The following FAT3 variants were observed in gnomAD, a reference collection of about 807,000 sequenced individuals.
FAT3 encodes protocadherin Fat 3.
A neutral mutation model predicts 310.2 loss-of-function variants in FAT3; 95 were observed. That is an observed-to-expected ratio of 0.31 (90% confidence interval 0.26 to 0.36). The LOEUF (loss-of-function observed/expected upper bound fraction) is 0.36, where lower values mean the gene tolerates loss of function less well. Ranked by LOEUF, FAT3 falls within the 10% of genes least tolerant of loss-of-function variation. The pLI, the probability that FAT3 is intolerant of heterozygous loss-of-function variation, is 1.00. For synonymous variants in FAT3, 2,314 were observed against 2,192.9 expected (o/e 1.06, Z -1.54); for missense variants, 5,408 against 5,715.6 (o/e 0.95, Z 1.74).
intron 2 of FAT3, among the ~76,000 whole-genome samples, chr11:92,414,871 T>C (rs1950372338): frequency 6.6e-6 from 1 of 151,706 alleles, no homozygotes; most frequent in Admixed American, 6.6e-5. Context: ...TTAGCCGGGC[T>C]TGGTGGCAGG....
At chr11:92,297,307 C>T (rs1946875195) in intron 1 of FAT3, among the ~76,000 whole-genome samples, 1 of 152,074 alleles carries the variant, frequency 6.6e-6, no homozygotes, top group South Asian at 2.1e-4. Flanking sequence ...AAATATTTTA[C>T]AAGCTCCTTA....
chr11:92,227,495 G>A (rs1053716454), intron 1 of FAT3, among the ~76,000 whole-genome samples: 12 of 152,178 alleles, frequency 7.9e-5, no homozygotes, highest in African/African-American at 2.9e-4. Context: ...TAGGAATTGA[G>A]GACCGAGGTG....
intron 2 of FAT3, among the ~76,000 whole-genome samples, chr11:92,468,476 G>T (rs1208916287): frequency 6.6e-6 from 1 of 152,132 alleles, no homozygotes; most frequent in Non-Finnish European, 1.5e-5. Context: ...TTAAAGCCAG[G>T]TGTAGTGTAA....
intron 2 of FAT3, among the ~76,000 whole-genome samples, chr11:92,455,339 G>C (rs7938056): frequency 6.6e-6 from 1 of 152,090 alleles, no homozygotes; most frequent in African/African-American, 2.4e-5. Flanking sequence ...AGAAATTGTG[G>C]CTCTGACAAG....
At chr11:92,470,407 T>C (rs189304568) in intron 2 of FAT3, among the ~76,000 whole-genome samples, 1 of 152,340 alleles carries the variant, frequency 6.6e-6, no homozygotes, top group Admixed American at 6.5e-5. Flanking sequence ...TTCAGCTATA[T>C]TTTCTATTTA....
intron 13 of FAT3, among the ~76,000 whole-genome samples, chr11:92,827,564 G>A (rs1034915189): frequency 2.6e-5 from 4 of 152,102 alleles, no homozygotes; most frequent in Admixed American, 1.3e-4. Context: ...AGACCACATT[G>A]CCTTCATTTT....
rs754487703 is a variant in FAT3, at chr11:92,866,775, G to A, written c.11693G>A (p.Cys3898Tyr). Residue 3898 changes from cysteine to tyrosine, a missense_variant, in exon 22 of 28, where the codon TGC becomes TAC. Around this residue, in one of 5 missense-constraint regions of FAT3, gnomAD observed 4,588 missense variants for 4,809.8 expected, o/e 0.95. Coordinates refer to ENST00000525166, the MANE Select transcript of FAT3 (RefSeq NM_001367949.2). Reference protein sequence around the residue: ...VDGKLWFQLDCGSGPGILGIS... With the variant: ...VDGKLWFQLDYGSGPGILGIS... Reference sequence around the variant, plus strand: ...GGCAAGCTGTGGTTCCAGCTGGACTGCGGCAGCGGCCCTGGAATCTTGGGC... The same window carrying A: ...GGCAAGCTGTGGTTCCAGCTGGACTACGGCAGCGGCCCTGGAATCTTGGGC... 3.7e-6 allele frequency: 6 copies of A among 1,613,600 alleles called. No homozygotes were observed. The highest frequency in any genetic ancestry group is 1.6e-4 in the Middle Eastern group (1 of 6,084).
intron 3 of FAT3, among the ~76,000 whole-genome samples, chr11:92,540,133 C>A (rs1331566448): frequency 6.6e-6 from 1 of 152,180 alleles, no homozygotes; most frequent in African/African-American, 2.4e-5. Flanking sequence ...GCTCAGCTTG[C>A]CAGCATACAC....
At chr11:92,838,436 A>T (rs1948459412) in intron 17 of FAT3, among the ~76,000 whole-genome samples, 1 of 152,040 alleles carries the variant, frequency 6.6e-6, no homozygotes, top group African/African-American at 2.4e-5. Flanking sequence ...AGAGAGAGTG[A>T]CTCTTCTTCC....
Position 92,837,703 on chromosome 11 carries a change from G to A in FAT3, c.10265G>A (p.Gly3422Asp). 1 of 1,613,874 alleles carries A rather than the reference G, an allele frequency of 6.2e-7. No homozygotes were observed. The highest frequency in any genetic ancestry group is 8.5e-7 in the Non-Finnish European group (1 of 1,179,854). ...YSLLVQAVDS[G>D]IPAMSSTATV... ...CTGCTTGTCCAGGCCGTAGACAGTGGCATTCCTGCAATGTCATCAACTGCA... is the reference window on the plus strand; with the variant it reads ...CTGCTTGTCCAGGCCGTAGACAGTGACATTCCTGCAATGTCATCAACTGCA... Residue 3422 changes from glycine (G) to aspartate (D), a missense_variant, in exon 17 of 28, where the codon GGC (glycine) becomes GAC (aspartate). Physicochemically the swap from Gly to Asp is moderately conservative, Grantham distance 94. This residue lies in a region of FAT3 where 4,588 missense variants were observed against 4,809.8 expected (regional missense o/e 0.95). Coordinates refer to ENST00000525166, the MANE Select transcript of FAT3 (RefSeq NM_001367949.2).
At chr11:92,445,928 A>G (rs1951198297) in intron 2 of FAT3, among the ~76,000 whole-genome samples, 1 of 152,090 alleles carries the variant, frequency 6.6e-6, no homozygotes, top group Non-Finnish European at 1.5e-5. Flanking sequence ...CCTTTCTAAA[A>G]CCTGCTGTTA....
chr11:92,367,421 C>A (rs899813332), intron 2 of FAT3, among the ~76,000 whole-genome samples: 1 of 152,050 alleles, frequency 6.6e-6, no homozygotes, highest in Non-Finnish European at 1.5e-5. Flanking sequence ...TATAGTGAGA[C>A]CCTCTGTCTA....
intron 2 of FAT3, among the ~76,000 whole-genome samples, chr11:92,461,450 A>C (rs1951636567): frequency 1.3e-5 from 2 of 152,212 alleles, no homozygotes. Flanking sequence ...ACATTTATAA[A>C]TACATTTTTT....
intron 4 of FAT3, among the ~76,000 whole-genome samples, chr11:92,730,489 T>C (rs529965597): frequency 4.6e-5 from 7 of 152,316 alleles, no homozygotes; most frequent in Admixed American, 3.3e-4. Flanking sequence ...TGTACAGGGA[T>C]CCAATCCAAG....
intron 13 of FAT3, among the ~76,000 whole-genome samples, chr11:92,812,487 C>G (rs913601838): frequency 6.6e-6 from 1 of 151,240 alleles, no homozygotes; most frequent in East Asian, 2.0e-4. Flanking sequence ...GAAGCTGAGG[C>G]AGAAGAATTG....
At chr11:92,313,668 T>A (rs896163350) in intron 1 of FAT3, among the ~76,000 whole-genome samples, 6 of 152,212 alleles carry the variant, frequency 3.9e-5, no homozygotes, top group Non-Finnish European at 8.8e-5. Flanking sequence ...CAAGCAGTTC[T>A]CCTGCCTCAG....
At chr11:92,602,696 AC>A (rs1395359704) in intron 3 of FAT3, among the ~76,000 whole-genome samples, 1 of 152,306 alleles carries the variant, frequency 6.6e-6, no homozygotes, top group Non-Finnish European at 1.5e-5. Context: ...GAAAGGACTT[AC>A]CCTTCTGCCT....
intron 1 of FAT3, among the ~76,000 whole-genome samples, chr11:92,272,793 A>G (rs1946162540): frequency 6.6e-6 from 1 of 152,064 alleles, no homozygotes; most frequent in Non-Finnish European, 1.5e-5. Flanking sequence ...TAGGCCTGTT[A>G]AGGGAAGTAT....
intron 2 of FAT3, among the ~76,000 whole-genome samples, chr11:92,520,988 G>T (rs548874429): frequency 4.6e-5 from 7 of 152,168 alleles, no homozygotes; most frequent in African/African-American, 1.7e-4. Context: ...TATTAGTGAA[G>T]GCATTTCATC....
Sources: gnomAD v4.1 joint callset for allele counts (sites outside exome capture counted in the v4.1 genomes callset) on GRCh38, gnomAD v4.1.1 for gene constraint, gnomAD v4.1.1 regional missense constraint, MANE v1.5 for transcripts, NCBI Gene and HGNC (gene_info 2026-07-23, HGNC 2026-07-21) for gene names.